Variants in TIAM1 observed in about 807,000 individuals in gnomAD.
The protein encoded by TIAM1 is TIAM Rac1 associated GEF 1, also known as rho guanine nucleotide exchange factor TIAM1.
TIAM1 carries 65 observed loss-of-function variants against 163.5 expected under a neutral mutation model. That is an observed-to-expected ratio of 0.40 (90% CI 0.33 to 0.49). TIAM1 has a LOEUF of 0.49. Ranked by LOEUF, TIAM1 falls within the 20% of genes least tolerant of loss-of-function variation. TIAM1 has a pLI of 0.77. For missense variants in TIAM1, 1,789 were observed against 2,044.7 expected, an observed-to-expected ratio of 0.87 and a Z score of 2.41; for synonymous variants, 833 against 810.1, an observed-to-expected ratio of 1.03 and a Z score of -0.48.
intron 16 of TIAM1, among the ~76,000 whole-genome samples, chr21:31,164,333 T>G (rs951717862): frequency 8.8e-5 from 13 of 147,150 alleles, no homozygotes; most frequent in Non-Finnish European, 1.5e-4. Context: ...GAGCTTGCAG[T>G]GAGCCGAGAT....
In TIAM1 at chr21:31,251,898, A is replaced by G; in HGVS notation, c.1255T>C (p.Ser419Pro). The G allele has an allele frequency of 1.2e-6, 2 of 1,613,652 alleles. No homozygotes were observed. The highest frequency in any genetic ancestry group is 1.7e-6 in the Non-Finnish European group (2 of 1,179,896). ...SDEQSSGTLS[S>P]PGQSDILLTA... Reference sequence around the variant, plus strand: ...AGCAGGATGTCCGACTGGCCCGGAGAGCTCAGGGTGCCGCTGCTCTGCTCA... The same window carrying G: ...AGCAGGATGTCCGACTGGCCCGGAGGGCTCAGGGTGCCGCTGCTCTGCTCA... Residue 419 changes from serine to proline, a missense_variant, in exon 5 of 28, where the codon TCT becomes CCT. Physicochemically the swap from Ser to Pro is moderately conservative, Grantham distance 74. This residue lies in a region of TIAM1 where 555 missense variants were observed against 564.9 expected (regional missense o/e 0.98). Coordinates refer to ENST00000541036, the MANE Select transcript of TIAM1 (RefSeq NM_001353694.2).
intron 16 of TIAM1, among the ~76,000 whole-genome samples, chr21:31,161,927 T>C (rs1042212667): frequency 1.3e-5 from 2 of 152,218 alleles, no homozygotes; most frequent in Non-Finnish European, 2.9e-5. Flanking sequence ...GCTCTTACTT[T>C]AAATCATAAA....
At chr21:31,506,485 A>G (rs755218315) in intron 1 of TIAM1, among the ~76,000 whole-genome samples, 4 of 152,218 alleles carry the variant, frequency 2.6e-5, no homozygotes, top group Non-Finnish European at 4.4e-5. Context: ...TACCCGTCCA[A>G]CACAAACTCC....
chr21:31,256,587 C>CTACACA (rs2072109734), intron 4 of TIAM1, among the ~76,000 whole-genome samples: 1 of 19,036 alleles, frequency 5.3e-5, no homozygotes, highest in Admixed American at 6.3e-4. Context: ...GTACCCCTCA[C>CTACACA]TACACACACA....
At chr21:31,199,587 G>A (rs1196206276) in intron 12 of TIAM1, among the ~76,000 whole-genome samples, 1 of 150,726 alleles carries the variant, frequency 6.6e-6, no homozygotes, top group African/African-American at 2.4e-5. Flanking sequence ...CTGGAGTGCA[G>A]TGGCACGATA....
At chr21:31,133,233 C>T (rs921935412) in intron 23 of TIAM1, among the ~76,000 whole-genome samples, 2 of 152,226 alleles carry the variant, frequency 1.3e-5, no homozygotes, top group Non-Finnish European at 2.9e-5. Flanking sequence ...CTCATCATGA[C>T]TACAGCCTTT....
At chr21:31,238,572 C>T (rs570266986) in intron 6 of TIAM1, among the ~76,000 whole-genome samples, 2 of 152,270 alleles carry the variant, frequency 1.3e-5, no homozygotes, top group African/African-American at 4.8e-5. Context: ...CCTTCTGATT[C>T]CACTTGAGGG....
intron 2 of TIAM1, among the ~76,000 whole-genome samples, chr21:31,389,082 G>A (rs2076927007): frequency 6.6e-6 from 1 of 152,196 alleles, no homozygotes; most frequent in Non-Finnish European, 1.5e-5. Context: ...ATACATACGT[G>A]AATGGGTGTG....
At chr21:31,546,411 A>T (rs2048490299) in intron 1 of TIAM1, among the ~76,000 whole-genome samples, 1 of 152,018 alleles carries the variant, frequency 6.6e-6, no homozygotes, top group South Asian at 2.1e-4. Flanking sequence ...TGAGCCAGGC[A>T]TGGTGGCGCA....
rs556700881 is a variant in TIAM1 at position 31,536,228 on chromosome 21, C to T, written c.-422+22699G>A. Among the ~76,000 whole-genome samples, 5 of 152,264 alleles carry T rather than the reference C, an allele frequency of 3.3e-5. No individual in the cohort carries two copies. In the East Asian group the frequency reaches 5.8e-4, roughly 18 times the overall value. On this transcript the variant is annotated intron_variant, in intron 1 of 28. Coordinates refer to the TIAM1 transcript ENST00000286827. The stretch of plus-strand genomic sequence containing the variant: ...TCTATTATTTTCCCCATGTGATAGA[C>T]GAGGAAACTGAGGCATAAGGCAAAT...
At chr21:31,219,878 A>T (rs916066700) in intron 8 of TIAM1, among the ~76,000 whole-genome samples, 2 of 152,172 alleles carry the variant, frequency 1.3e-5, no homozygotes, top group African/African-American at 4.8e-5. Context: ...CAAGACAAAC[A>T]CACCGTAAAA....
intron 2 of TIAM1, among the ~76,000 whole-genome samples, chr21:31,451,352 C>G (rs1274681606): frequency 6.6e-6 from 1 of 152,150 alleles, no homozygotes; most frequent in Admixed American, 6.5e-5. Context: ...TCATATTTTT[C>G]TCATGAATTT....
In TIAM1 at chr21:31,187,096, C is replaced by G; in HGVS notation, c.2576-9G>C. ...AGAAGAAAGTGAAAACCCTGTGAAA[C>G]ACAAAAAGACAGAATGGCAGGGCTC... On this transcript the variant is annotated splice_polypyrimidine_tract_variant and intron_variant, in intron 13 of 27. Transcript: ENST00000541036. 2 of 1,613,608 alleles carry G rather than the reference C, an allele frequency of 1.2e-6. No individual in the cohort carries two copies. The highest frequency in any genetic ancestry group is 1.7e-6 in the Non-Finnish European group (2 of 1,179,656).
chr21:31,339,086 TG>T (rs1288467558), intron 2 of TIAM1, among the ~76,000 whole-genome samples, 156 bp downstream of exon 2: 1 of 152,140 alleles, frequency 6.6e-6, no homozygotes. Flanking sequence ...AGATTGCAAG[TG>T]GGGAGACTCA....
chr21:31,387,195 C>CTCT (rs759122075), intron 2 of TIAM1, among the ~76,000 whole-genome samples: 14 of 75,158 alleles, frequency 1.9e-4, no homozygotes, highest in East Asian at 3.2e-4. Flanking sequence ...AGCTTATTCT[C>CTCT]TTTTTTTTTT....
At chr21:31,440,710 G>A (rs993250258) in intron 2 of TIAM1, among the ~76,000 whole-genome samples, 4 of 152,066 alleles carry the variant, frequency 2.6e-5, no homozygotes, top group Middle Eastern at 3.4e-3. Flanking sequence ...GTGAAACCCC[G>A]TCTCTACTAA....
chr21:31,551,363 TCATGC>T (rs2048680538), intron 1 of TIAM1, among the ~76,000 whole-genome samples: 1 of 151,746 alleles, frequency 6.6e-6, no homozygotes, highest in African/African-American at 2.4e-5. Flanking sequence ...CAAGCCGCGA[TCATGC>T]CATTGCACTC....
intron 1 of TIAM1, among the ~76,000 whole-genome samples, chr21:31,504,962 T>A (rs1436179610): frequency 6.6e-6 from 1 of 152,170 alleles, no homozygotes; most frequent in Admixed American, 6.6e-5. Context: ...AATTAGCAAG[T>A]ACCTTCAACA....
chr21:31,210,705 GAGAAAGAAAGA>G (rs2086791883), intron 10 of TIAM1, among the ~76,000 whole-genome samples: 1 of 89,794 alleles, frequency 1.1e-5, no homozygotes, highest in African/African-American at 8.0e-5. Context: ...AAGAAAGAAA[GAGAAAGAAAGA>G]GAAAGAAAGA....
Sources: allele counts gnomAD v4.1 joint callset (sites outside exome capture counted in the v4.1 genomes callset), GRCh38; gene constraint gnomAD v4.1.1; regional missense constraint gnomAD v4.1.1; transcripts MANE v1.5; gene names NCBI Gene and HGNC (gene_info 2026-07-23, HGNC 2026-07-21).